Variants in GABRB2 observed in about 807,000 individuals in gnomAD.
GABRB2 encodes the protein gamma-aminobutyric acid receptor subunit beta-2.
GABRB2 carries 16 observed loss-of-function variants against 54.7 expected under a neutral mutation model. The observed-to-expected ratio is 0.29, with a 90% CI of 0.20 to 0.44. The LOEUF is 0.44. Among genes scored for constraint, GABRB2 ranks in the 20% least tolerant of loss-of-function variants. The pLI is 1.00. For synonymous variants in GABRB2, 244 were observed against 233.8 expected, an observed-to-expected ratio of 1.04 and a Z score of -0.40; for missense variants, 355 against 644.0, an observed-to-expected ratio of 0.55 and a Z score of 4.86.
At chr5:161,452,389 A>G (rs1480309961) in intron 4 of GABRB2, among the ~76,000 whole-genome samples, 1 of 152,176 alleles carries the variant, frequency 6.6e-6, no homozygotes, top group African/African-American at 2.4e-5. Context: ...CTAATTTTGG[A>G]CAAGAATGCA....
chr5:161,351,073 C>T (rs1172396292), intron 5 of GABRB2, among the ~76,000 whole-genome samples: 5 of 152,012 alleles, frequency 3.3e-5, no homozygotes, highest in Non-Finnish European at 5.9e-5. Flanking sequence ...AGTTCTGTCC[C>T]TTTAGAGAAT....
chr5:161,539,882 C>A (rs936793156), intron 3 of GABRB2, among the ~76,000 whole-genome samples: 1 of 152,186 alleles, frequency 6.6e-6, no homozygotes, highest in African/African-American at 2.4e-5. Context: ...AATGTACATA[C>A]CGTAATTTTA....
At position 161,487,782 on chromosome 5, in the gene GABRB2, G is replaced by A. The variant is rs78204146; in HGVS notation, c.238-27938C>T. 8.9e-3 allele frequency among the ~76,000 whole-genome samples: 1,354 copies of A among 151,998 alleles called. 9 individuals carry two copies. Among genetic ancestry groups the A allele is most frequent in the Non-Finnish European group, 0.013 (879 of 67,890 alleles). On this transcript the variant is annotated intron_variant, in intron 3 of 9. Transcript: ENST00000393959. ...AGGACCTAATATATAGTAAACACTG[G>A]ATAAATGGTAGCTGGAGTTACAGGA...
At chr5:161,434,066 G>T (rs1262264074) in intron 4 of GABRB2, among the ~76,000 whole-genome samples, 1 of 151,984 alleles carries the variant, frequency 6.6e-6, no homozygotes. Flanking sequence ...CAAAGAAAAA[G>T]CACCATGGAA....
At chr5:161,305,247 A>C (rs1314236907) in intron 9 of GABRB2, among the ~76,000 whole-genome samples, 1 of 150,944 alleles carries the variant, frequency 6.6e-6, no homozygotes, top group African/African-American at 2.4e-5. Flanking sequence ...CGATCTCCTG[A>C]CCTCATGATC....
intron 4 of GABRB2, among the ~76,000 whole-genome samples, chr5:161,440,856 C>T (rs1757449548): frequency 6.6e-6 from 1 of 152,134 alleles, no homozygotes; most frequent in Admixed American, 6.6e-5. Flanking sequence ...GTGCCTATAA[C>T]ACTTACTGGC....
At chr5:161,383,182 T>C (rs1422953) in intron 5 of GABRB2, among the ~76,000 whole-genome samples, 139,835 of 152,220 alleles carry the variant, frequency 0.92, 64,327 homozygotes, top group East Asian at 0.98. Flanking sequence ...CATCCATCAC[T>C]AACCATGCTG....
intron 3 of GABRB2, among the ~76,000 whole-genome samples, chr5:161,535,276 G>A (rs1473375128): frequency 6.6e-6 from 1 of 152,076 alleles, no homozygotes; most frequent in Non-Finnish European, 1.5e-5. Flanking sequence ...TATTCACACT[G>A]TGAATATTAT....
At chr5:161,335,147 T>C (rs984434388) in intron 6 of GABRB2, among the ~76,000 whole-genome samples, 1 of 152,162 alleles carries the variant, frequency 6.6e-6, no homozygotes, top group Non-Finnish European at 1.5e-5. Context: ...CTCAGCCTCA[T>C]AGAGTGAATC....
chr5:161,504,283 T>G (rs1446860475), intron 3 of GABRB2, among the ~76,000 whole-genome samples: 1 of 152,152 alleles, frequency 6.6e-6, no homozygotes, highest in Non-Finnish European at 1.5e-5. Flanking sequence ...TAAAATAACC[T>G]AATAAACCAT....
intron 3 of GABRB2, among the ~76,000 whole-genome samples, chr5:161,525,564 G>T (rs1430646605): frequency 6.6e-6 from 1 of 150,650 alleles, no homozygotes; most frequent in Non-Finnish European, 1.5e-5. Flanking sequence ...GAAATGTAGT[G>T]CATTATATAC....
intron 4 of GABRB2, among the ~76,000 whole-genome samples, chr5:161,416,894 T>G (rs1756693340): frequency 6.6e-6 from 1 of 151,792 alleles, no homozygotes; most frequent in African/African-American, 2.4e-5. Context: ...AAAATTAACA[T>G]GTTAAAAAGG....
intron 6 of GABRB2, 90 bp from the exon 7 acceptor site, chr5:161,334,994 C>T (rs1012209563): frequency 1.5e-6 from 2 of 1,301,600 alleles, no homozygotes; most frequent in Non-Finnish European, 2.1e-6. Context: ...CCTCTTCTCT[C>T]AGTTCAGTTT....
intron 9 of GABRB2, among the ~76,000 whole-genome samples, chr5:161,298,672 T>C (rs1757450959): frequency 1.3e-5 from 2 of 152,232 alleles, no homozygotes; most frequent in South Asian, 2.1e-4. Context: ...TACAGGTCTC[T>C]TGCTAGAGCA....
intron 2 of GABRB2, 51 bp downstream of exon 2, chr5:161,546,271 A>G: frequency 6.7e-7 from 1 of 1,489,168 alleles, no homozygotes; most frequent in South Asian, 1.1e-5. Context: ...CACAAAGCTC[A>G]AAAGACAGCT....
chr5:161,396,191 A>T (rs933424259), intron 5 of GABRB2, among the ~76,000 whole-genome samples: 2 of 152,202 alleles, frequency 1.3e-5, no homozygotes, highest in African/African-American at 4.8e-5. Flanking sequence ...GAAAAATAAC[A>T]GCTCCATCAG....
intron 3 of GABRB2, among the ~76,000 whole-genome samples, chr5:161,533,919 A>G (rs1476732004): frequency 1.3e-5 from 2 of 152,174 alleles, no homozygotes; most frequent in African/African-American, 4.8e-5. Flanking sequence ...AAAATAGACT[A>G]AAACTGGAAG....
At chr5:161,301,089 T>C (rs892644691) in intron 9 of GABRB2, among the ~76,000 whole-genome samples, 7 of 152,184 alleles carry the variant, frequency 4.6e-5, no homozygotes, top group Non-Finnish European at 1.0e-4. Context: ...TAGTTAGCAA[T>C]TGGCCCGGAG....
At chr5:161,331,149 A>G in intron 7 of GABRB2, 22 bp from the exon 8 acceptor site, 1 of 1,527,636 alleles carries the variant, frequency 6.5e-7, no homozygotes, top group Non-Finnish European at 8.8e-7. Context: ...TGGGAGAGTT[A>G]GAGTAATAAT....
Sources: gnomAD v4.1 joint callset for allele counts (sites outside exome capture counted in the v4.1 genomes callset) on GRCh38, gnomAD v4.1.1 for gene constraint, MANE v1.5 for transcripts, NCBI Gene and HGNC (gene_info 2026-07-23, HGNC 2026-07-21) for gene names.